Variants in THRB observed in about 807,000 individuals in gnomAD.
THRB encodes the protein nuclear receptor subfamily 1 group A member 2.
THRB carries 12 observed loss-of-function variants against 47.8 expected under a neutral mutation model. The observed-to-expected ratio is 0.25, with a 90% confidence interval of 0.16 to 0.41. The LOEUF (loss-of-function observed/expected upper bound fraction) is 0.41. THRB is among the 10% of genes least tolerant of loss of function. The pLI is 1.00. For missense variants in THRB, 348 were observed against 589.2 expected (o/e 0.59, Z 4.24); for synonymous variants, 218 against 212.2 (o/e 1.03, Z -0.24).
intron 1 of THRB, among the ~76,000 whole-genome samples, chr3:24,406,546 A>AT (rs2150132346): frequency 6.6e-6 from 1 of 151,726 alleles, no homozygotes; most frequent in African/African-American, 2.4e-5. Flanking sequence ...TTTACTTGGA[A>AT]TTTTTTTAAC....
chr3:24,146,840 A>G lies in THRB; in HGVS notation c.385-18T>C. ...AAGAAACCCTATATGAAAAACAAAG[A>G]CCCAAGACAACAGTTTCATATTTTC... On this transcript the variant is annotated intron_variant, in intron 6 of 10. Transcript: ENST00000646209. The G allele has an allele frequency of 5.0e-6, 8 of 1,611,722 alleles. No homozygotes were observed. The highest frequency in any genetic ancestry group is 1.3e-5 in the African/African-American group (1 of 74,982).
At chr3:24,275,958 G>C (rs2053873654) in intron 3 of THRB, among the ~76,000 whole-genome samples, 1 of 151,912 alleles carries the variant, frequency 6.6e-6, no homozygotes, top group Non-Finnish European at 1.5e-5. Flanking sequence ...CACACCACAG[G>C]CTTTACTCAT....
intron 3 of THRB, among the ~76,000 whole-genome samples, chr3:24,275,086 A>G (rs943161201): frequency 3.3e-5 from 5 of 152,200 alleles, no homozygotes; most frequent in Non-Finnish European, 5.9e-5. Flanking sequence ...GCTTGTTGAA[A>G]CAGGAACTTT....
intron 3 of THRB, among the ~76,000 whole-genome samples, chr3:24,294,676 C>T (rs1384973261): frequency 2.0e-5 from 3 of 152,128 alleles, no homozygotes; most frequent in Non-Finnish European, 4.4e-5. Context: ...AATAGTAGGG[C>T]AACAAGATGG....
At chr3:24,412,755 C>T (rs2068413549) in intron 1 of THRB, among the ~76,000 whole-genome samples, 1 of 151,716 alleles carries the variant, frequency 6.6e-6, no homozygotes, top group Non-Finnish European at 1.5e-5. Flanking sequence ...CTCAGAAAAA[C>T]ATTTACGGCA....
At chr3:24,171,379 A>C (rs904447886) in intron 5 of THRB, among the ~76,000 whole-genome samples, 3 of 152,292 alleles carry the variant, frequency 2.0e-5, no homozygotes, top group Middle Eastern at 3.4e-3. Context: ...ACCCAACTTT[A>C]AAGCAGCCCT....
chr3:24,457,582 A>G (rs1205015055), intron 1 of THRB, among the ~76,000 whole-genome samples: 4 of 152,356 alleles, frequency 2.6e-5, no homozygotes, highest in Non-Finnish European at 5.9e-5. Flanking sequence ...AACTAGTGAC[A>G]TGCGAACAGA....
At chr3:24,170,766 G>C (rs146254108) in intron 5 of THRB, among the ~76,000 whole-genome samples, 8 of 152,060 alleles carry the variant, frequency 5.3e-5, no homozygotes, top group Non-Finnish European at 1.0e-4. Context: ...ACCATCAGAG[G>C]CCTGAAAGCC....
At chr3:24,482,719 G>T (rs1279484595) in intron 1 of THRB, among the ~76,000 whole-genome samples, 1 of 152,144 alleles carries the variant, frequency 6.6e-6, no homozygotes, top group Non-Finnish European at 1.5e-5. Flanking sequence ...GCCCACTGCT[G>T]TGCGATATGC....
chr3:24,172,951 T>C (rs2040621920), intron 5 of THRB, among the ~76,000 whole-genome samples: 1 of 152,166 alleles, frequency 6.6e-6, no homozygotes, highest in African/African-American at 2.4e-5. Flanking sequence ...ATGAAATATG[T>C]CAATTTCTAG....
At chr3:24,146,301 T>C (rs537385941) in intron 7 of THRB, among the ~76,000 whole-genome samples, 3 of 152,252 alleles carry the variant, frequency 2.0e-5, no homozygotes, top group Non-Finnish European at 4.4e-5. Context: ...GAACACTGTG[T>C]ATAGAATGAT....
intron 1 of THRB, among the ~76,000 whole-genome samples, chr3:24,471,560 T>C (rs1694713287): frequency 6.6e-6 from 1 of 152,186 alleles, no homozygotes; most frequent in Non-Finnish European, 1.5e-5. Context: ...AAATCCACAC[T>C]CTGTAGTGGA....
chr3:24,305,054 T>C (rs1341065991), intron 2 of THRB, among the ~76,000 whole-genome samples: 1 of 152,200 alleles, frequency 6.6e-6, no homozygotes, highest in Admixed American at 6.5e-5. Flanking sequence ...CTGGGTTCCA[T>C]TTAACTCTTA....
chr3:24,249,793 C>G (rs573485013), intron 3 of THRB, among the ~76,000 whole-genome samples: 2 of 152,180 alleles, frequency 1.3e-5, no homozygotes, highest in Admixed American at 6.5e-5. Flanking sequence ...AATGTCAGTG[C>G]TAATTACCCT....
At chr3:24,331,280 G>C (rs1294374432) in intron 2 of THRB, among the ~76,000 whole-genome samples, 1 of 151,648 alleles carries the variant, frequency 6.6e-6, no homozygotes, top group Non-Finnish European at 1.5e-5. Context: ...AAGACAAAAA[G>C]AAAGAAAAAA....
chr3:24,177,528 A>G (rs948342393), intron 5 of THRB, among the ~76,000 whole-genome samples: 7 of 152,262 alleles, frequency 4.6e-5, no homozygotes, highest in Admixed American at 1.3e-4. Flanking sequence ...AGGCATGTTC[A>G]GAAGCCACAA....
chr3:24,481,227 C>CTTTTTTTTTTTTTTTTTTTTTTT (rs1696311497), intron 1 of THRB, among the ~76,000 whole-genome samples: 1 of 49,940 alleles, frequency 2.0e-5, no homozygotes, highest in African/African-American at 9.6e-5. Flanking sequence ...GCGTTTCTTT[C>CTTTTTTTTTTTTTTTTTTTTTTT]TGTTTTTTTT....
intron 3 of THRB, among the ~76,000 whole-genome samples, chr3:24,244,885 T>C (rs1332418795): frequency 6.6e-6 from 1 of 152,218 alleles, no homozygotes; most frequent in Non-Finnish European, 1.5e-5. Context: ...CCATTCTCCC[T>C]CTTCTGGGAG....
intron 5 of THRB, among the ~76,000 whole-genome samples, chr3:24,158,163 A>C (rs2149189593): frequency 6.6e-6 from 1 of 152,302 alleles, no homozygotes; most frequent in South Asian, 2.1e-4. Flanking sequence ...CTTCATGTGA[A>C]AAACAGGAGG....
Sources: gnomAD v4.1 joint callset for allele counts (sites outside exome capture counted in the v4.1 genomes callset) on GRCh38, gnomAD v4.1.1 for gene constraint, MANE v1.5 for transcripts, NCBI Gene and HGNC (gene_info 2026-07-23, HGNC 2026-07-21) for gene names.